The following SPIC variants were observed in gnomAD, a reference collection of about 807,000 sequenced individuals.
The protein encoded by SPIC is Spi-C transcription factor.
A neutral mutation model predicts 16.7 loss-of-function variants in SPIC; 9 were observed. The ratio of observed to expected loss-of-function variants is 0.54; its 90% CI spans 0.33 to 0.94. The LOEUF is 0.94. SPIC is among the 40% of genes least tolerant of loss of function. The pLI, the probability that SPIC is intolerant of heterozygous loss-of-function variation, is 0.03. For missense variants in SPIC, 241 were observed against 285.8 expected (o/e 0.84, Z 1.13); for synonymous variants, 97 against 102.9 (o/e 0.94, Z 0.35).
At chr12:101,480,494 A>G (rs988892360) in intron 4 of SPIC, among the ~76,000 whole-genome samples, 54 of 152,194 alleles carry the variant, frequency 3.5e-4, no homozygotes, top group African/African-American at 1.2e-3. Flanking sequence ...ACACCCTGCC[A>G]TCTCCCCATT....
chr12:101,485,665 A>G (rs1029279079), intron 5 of SPIC, among the ~76,000 whole-genome samples: 1 of 152,184 alleles, frequency 6.6e-6, no homozygotes, highest in Non-Finnish European at 1.5e-5. Context: ...TACATCCCTT[A>G]ACTCATTTGA....
At chr12:101,485,617 T>C (rs1275267359) in intron 5 of SPIC, among the ~76,000 whole-genome samples, 1 of 152,260 alleles carries the variant, frequency 6.6e-6, no homozygotes, top group Non-Finnish European at 1.5e-5. Flanking sequence ...AATATTACCT[T>C]ACATTTGCAT....
chr12:101,486,068 T>G (rs1279555974), intron 5 of SPIC, among the ~76,000 whole-genome samples: 1 of 152,236 alleles, frequency 6.6e-6, no homozygotes, highest in African/African-American at 2.4e-5. Context: ...CCCAAAGTGC[T>G]GGGACTACAG....
At chr12:101,479,240 GAAAAAGAAAGAAA>G (rs1873083570) in intron 3 of SPIC, among the ~76,000 whole-genome samples, 2 of 56,262 alleles carry the variant, frequency 3.6e-5, no homozygotes, top group African/African-American at 1.2e-4. Context: ...AAGAAAGAAA[GAAAAAGAAAGAAA>G]GAAGGAAGGA....
At chr12:101,475,643 G>A (rs990121793) in intron 1 of SPIC, 141 bp downstream of exon 1, 2 of 152,064 alleles carry the variant, frequency 1.3e-5, no homozygotes, top group East Asian at 3.9e-4. Context: ...ATGTTTTCAA[G>A]CTTTTTCTTC....
intron 5 of SPIC, 127 bp from the exon 6 acceptor site, chr12:101,486,217 G>A (rs569797391): frequency 4.8e-6 from 4 of 830,098 alleles, no homozygotes; most frequent in Non-Finnish European, 7.7e-6. Context: ...ATTCGTAAGG[G>A]CAGTGAGTGG....
chr12:101,479,766 G>C, intron 4 of SPIC, 72 bp downstream of exon 4: 2 of 1,104,710 alleles, frequency 1.8e-6, no homozygotes, highest in South Asian at 2.9e-5. Context: ...CACATACACT[G>C]TCTGAAACCC....
At chr12:101,479,817 T>TA in intron 4 of SPIC, 123 bp downstream of exon 4, 33 of 535,964 alleles carry the variant, frequency 6.2e-5, no homozygotes, top group Non-Finnish European at 9.1e-5. Context: ...GTTTTTTCTT[T>TA]CTTTTTTTTT....
intron 1 of SPIC, 38 bp from the exon 2 acceptor site, chr12:101,476,790 G>T: frequency 7.4e-6 from 4 of 541,474 alleles, no homozygotes; most frequent in Non-Finnish European, 1.2e-5. Flanking sequence ...ATTAGAGACT[G>T]CATTTAATTT....
At chr12:101,478,201 T>G (rs939003353) in intron 3 of SPIC, among the ~76,000 whole-genome samples, 1 of 151,720 alleles carries the variant, frequency 6.6e-6, no homozygotes, top group Non-Finnish European at 1.5e-5. Flanking sequence ...CCATCTAATT[T>G]TTTGTATTTT....
At chr12:101,486,321 G>T in intron 5 of SPIC, 23 bp from the exon 6 acceptor site, 2 of 1,584,020 alleles carry the variant, frequency 1.3e-6, no homozygotes, top group South Asian at 2.3e-5. Flanking sequence ...GGTGGAGTTT[G>T]ACCTTGTTTC....
At chr12:101,479,556 A>T in intron 3 of SPIC, 26 bp from the exon 4 acceptor site, 1 of 1,577,822 alleles carries the variant, frequency 6.3e-7, no homozygotes, top group Admixed American at 1.7e-5. Flanking sequence ...TGACTTTTTT[A>T]GTTTCTTTCT....
chr12:101,483,925 C>T (rs924511797), intron 5 of SPIC, among the ~76,000 whole-genome samples: 2 of 151,938 alleles, frequency 1.3e-5, no homozygotes, highest in Non-Finnish European at 2.9e-5. Flanking sequence ...GCAGCCCCCC[C>T]GAACCAAAAT....
At chr12:101,483,086 G>GTTTT (rs58442228) in intron 5 of SPIC, among the ~76,000 whole-genome samples, 186 bp downstream of exon 5, 1,646 of 129,034 alleles carry the variant, frequency 0.013, 65 homozygotes, top group African/African-American at 0.031. Flanking sequence ...GACTTCCTGT[G>GTTTT]TTTTTTTTTT....
rs1565833485 is a variant in SPIC at position 101,486,656 on chromosome 12, T to A, written c.632T>A (p.Ile211Asn). ...CCATCCTATTTCCTGGGGAAAGAGATCTTCTATTCACAGTGTGTTCAACCT... is the reference window on the plus strand; with the variant it reads ...CCATCCTATTTCCTGGGGAAAGAGAACTTCTATTCACAGTGTGTTCAACCT... ...LSPSYFLGKE[I>N]FYSQCVQPDQ... The change falls in exon 6 of 6, where the codon ATC becomes AAC. Residue 211 changes from isoleucine (I) to asparagine (N), a missense_variant. Ile to Asn is a moderately radical substitution (Grantham distance 149, BLOSUM62 -3). Coordinates refer to ENST00000551346, the MANE Select transcript of SPIC (RefSeq NM_152323.3). 1 of 1,613,974 alleles carries A rather than the reference T, an allele frequency of 6.2e-7. No homozygotes were observed. Among genetic ancestry groups the A allele is most frequent in the Non-Finnish European group, 8.5e-7 (1 of 1,179,870 alleles).
At chr12:101,483,086 GTTTT>G (rs58442228) in intron 5 of SPIC, among the ~76,000 whole-genome samples, 186 bp downstream of exon 5, 1 of 129,096 alleles carries the variant, frequency 7.7e-6, no homozygotes, top group African/African-American at 2.9e-5. Context: ...GACTTCCTGT[GTTTT>G]TTTTTTTTTT....
intron 4 of SPIC, 146 bp from the exon 5 acceptor site, chr12:101,482,646 G>C (rs11110820): frequency 1.4e-6 from 1 of 699,536 alleles, no homozygotes; most frequent in East Asian, 2.5e-5. Context: ...GTGCTGCCCT[G>C]GGAGCTATCT....
At chr12:101,479,778 G>T in intron 4 of SPIC, 84 bp downstream of exon 4, 4 of 968,792 alleles carry the variant, frequency 4.1e-6, no homozygotes, top group South Asian at 1.7e-5. Flanking sequence ...CTGAAACCCA[G>T]CTTAAAGACA....
Position 101,477,569 on chromosome 12 carries a change from A to T in SPIC, c.15A>T (p.Glu5Asp), listed in dbSNP as rs922424657. The change falls in exon 3 of 6, where the codon GAA becomes GAT. Residue 5 changes from glutamate to aspartate, a missense_variant. Physicochemically the swap from Glu to Asp is conservative, Grantham distance 45 (BLOSUM62 2). Coordinates refer to ENST00000551346, the MANE Select transcript of SPIC (RefSeq NM_152323.3). ...CATTGTTCCAACAGACGTGTGTTGA[A>T]CAAGACAAGCTGGGTCAAGCATTTG... MTCV[E>D]QDKLGQAFED... 123 of 1,614,038 alleles carry T rather than the reference A, an allele frequency of 7.6e-5. No individual in the cohort carries two copies. The highest frequency in any genetic ancestry group is 9.8e-5 in the Non-Finnish European group (116 of 1,180,012).
Sources: allele counts gnomAD v4.1 joint callset (sites outside exome capture counted in the v4.1 genomes callset), GRCh38; gene constraint gnomAD v4.1.1; transcripts MANE v1.5; gene names NCBI Gene and HGNC (gene_info 2026-07-23, HGNC 2026-07-21).